WDR27: variants seen among roughly 807,000 people sequenced by gnomAD.
WDR27 encodes the protein WD repeat-containing protein 27.
In WDR27, 100 loss-of-function variants were observed where a neutral mutation model predicts 114.4. The observed-to-expected ratio is 0.87, with a 90% CI of 0.74 to 1.03. The LOEUF (loss-of-function observed/expected upper bound fraction) is 1.03, where lower values mean the gene tolerates loss of function less well. Among genes scored for constraint, WDR27 ranks in the 50% least tolerant of loss-of-function variants. The pLI, the probability that WDR27 is intolerant of heterozygous loss-of-function variation, is 0.00. For missense variants in WDR27, 1,129 were observed against 1,092.9 expected (o/e 1.03, Z -0.47); for synonymous variants, 449 against 423.1 (o/e 1.06, Z -0.75).
intron 21 of WDR27, among the ~76,000 whole-genome samples, chr6:169,629,490 T>G (rs1417047988): frequency 6.6e-6 from 1 of 152,192 alleles, no homozygotes; most frequent in Non-Finnish European, 1.5e-5. Context: ...TAAATTATAA[T>G]TGGCTTTGCA....
intron 25 of WDR27, among the ~76,000 whole-genome samples, chr6:169,517,789 T>G (rs1793859695): frequency 6.6e-6 from 1 of 152,218 alleles, no homozygotes; most frequent in Non-Finnish European, 1.5e-5. Context: ...CATTGCCTTT[T>G]AGACACCATG....
intron 25 of WDR27, among the ~76,000 whole-genome samples, chr6:169,509,906 T>C (rs1307435730): frequency 1.3e-5 from 2 of 152,128 alleles, no homozygotes; most frequent in Non-Finnish European, 2.9e-5. Context: ...ATATCCAGAA[T>C]CTACAATGAA....
intron 25 of WDR27, among the ~76,000 whole-genome samples, chr6:169,470,444 G>C (rs538194689): frequency 6.6e-6 from 1 of 152,300 alleles, no homozygotes; most frequent in Non-Finnish European, 1.5e-5. Flanking sequence ...ACTAAAATCT[G>C]TCTTAGTTCA....
At chr6:169,620,023 A>G (rs1231380379) in intron 21 of WDR27, among the ~76,000 whole-genome samples, 1 of 152,212 alleles carries the variant, frequency 6.6e-6, no homozygotes, top group Admixed American at 6.5e-5. Context: ...TGCCAGAGCC[A>G]GGTTGGAAAA....
intron 2 of WDR27, among the ~76,000 whole-genome samples, chr6:169,674,579 G>C (rs1562901079): frequency 6.6e-6 from 1 of 152,232 alleles, no homozygotes. Flanking sequence ...GTATCAGTGA[G>C]CTGTGGGAAA....
chr6:169,692,184 C>G (rs1220477572), intron 1 of WDR27, among the ~76,000 whole-genome samples: 2 of 152,220 alleles, frequency 1.3e-5, no homozygotes, highest in African/African-American at 4.8e-5. Context: ...GTAGAAGCAG[C>G]AGTGAGAAGA....
chr6:169,614,145 C>T (rs887806768), intron 21 of WDR27, among the ~76,000 whole-genome samples: 1 of 152,186 alleles, frequency 6.6e-6, no homozygotes, highest in African/African-American at 2.4e-5. Flanking sequence ...TGACTTGCTC[C>T]CCTTTCCCTG....
chr6:169,673,692 A>ATT (rs1315731939), intron 2 of WDR27, among the ~76,000 whole-genome samples: 1 of 152,134 alleles, frequency 6.6e-6, no homozygotes, highest in Admixed American at 6.5e-5. Flanking sequence ...AAATGGTGTA[A>ATT]TTAAATGAGT....
chr6:169,463,317 T>G (rs1437911321), intron 25 of WDR27, among the ~76,000 whole-genome samples: 1 of 152,216 alleles, frequency 6.6e-6, no homozygotes, highest in East Asian at 1.9e-4. Flanking sequence ...AGCTAGGCAC[T>G]TCTTAAAGGT....
At chr6:169,590,845 C>T (rs753216929) in intron 23 of WDR27, among the ~76,000 whole-genome samples, 2 of 152,192 alleles carry the variant, frequency 1.3e-5, no homozygotes, top group Admixed American at 6.5e-5. Context: ...GGATAATATG[C>T]CATTCTGTGT....
At chr6:169,438,366 T>A in the WDR27 span, among the ~76,000 whole-genome samples, 1 of 151,422 alleles carries the variant, frequency 6.6e-6, no homozygotes, top group South Asian at 2.1e-4. Context: ...GCCTCCCAAG[T>A]AGCTGGGACT....
At chr6:169,643,891 G>T in intron 16 of WDR27, 105 bp from the exon 17 acceptor site, 1 of 810,508 alleles carries the variant, frequency 1.2e-6, no homozygotes, top group East Asian at 2.8e-5. Context: ...GAAAATCCCA[G>T]TTCATACAAG....
At chr6:169,545,283 A>C (rs1202775231) in intron 25 of WDR27, among the ~76,000 whole-genome samples, 1 of 152,258 alleles carries the variant, frequency 6.6e-6, no homozygotes, top group Admixed American at 6.5e-5. Context: ...ATAAAGGTGT[A>C]AAACAAATTA....
At chr6:169,453,075 G>A (rs916091272), downstream of WDR27, among the ~76,000 whole-genome samples, 4 of 152,220 alleles carry the variant, frequency 2.6e-5, no homozygotes, top group African/African-American at 7.2e-5. Context: ...TGATCAGCGT[G>A]AACAGTACCC....
Position 169,664,146 on chromosome 6 carries a change from G to C in WDR27, c.904+20C>G. Reference sequence around the variant, plus strand: ...ATCTGGGCCAAGTGGGAGGCCTGAGGGAGGGTCTGAGCAACCCACCTGGCT... The same window carrying C: ...ATCTGGGCCAAGTGGGAGGCCTGAGCGAGGGTCTGAGCAACCCACCTGGCT... On this transcript the variant is annotated intron_variant, in intron 8 of 25. Coordinates refer to ENST00000448612, the MANE Select transcript of WDR27 (RefSeq NM_182552.5). The C allele has an allele frequency of 1.3e-6, 2 of 1,560,086 alleles. No homozygotes were observed. The highest frequency in any genetic ancestry group is 2.5e-5 in the South Asian group (2 of 80,884).
chr6:169,527,410 T>C (rs1260496549), intron 25 of WDR27, among the ~76,000 whole-genome samples: 3 of 151,476 alleles, frequency 2.0e-5, no homozygotes, highest in East Asian at 1.9e-4. Flanking sequence ...TGTCACTTAA[T>C]TGAAATATTT....
intron 22 of WDR27, among the ~76,000 whole-genome samples, chr6:169,610,624 T>A (rs1374307361): frequency 2.6e-5 from 4 of 152,102 alleles, no homozygotes; most frequent in African/African-American, 9.7e-5. Flanking sequence ...AAGATGAGAT[T>A]TGGGTGGGGA....
At chr6:169,662,261 G>A (rs1826358034) in intron 9 of WDR27, 43 bp downstream of exon 9, 3 of 1,593,684 alleles carry the variant, frequency 1.9e-6, no homozygotes, top group Middle Eastern at 1.7e-4. Context: ...AGGAATTTAA[G>A]AGGTTTCCTT....
chr6:169,500,989 G>A (rs1791133841), intron 25 of WDR27, among the ~76,000 whole-genome samples: 1 of 152,172 alleles, frequency 6.6e-6, no homozygotes, highest in Non-Finnish European at 1.5e-5. Context: ...TCAGAGGCCG[G>A]GATTCTCTAC....
Sources: gnomAD v4.1 joint callset for allele counts (sites outside exome capture counted in the v4.1 genomes callset) on GRCh38, gnomAD v4.1.1 for gene constraint, MANE v1.5 for transcripts, NCBI Gene and HGNC (gene_info 2026-07-23, HGNC 2026-07-21) for gene names.